Variants in CYP2C8 observed in about 807,000 individuals in gnomAD.
CYP2C8 encodes the protein cytochrome P450 2C8.
A neutral mutation model predicts 41.3 loss-of-function variants in CYP2C8; 51 were observed. The ratio of observed to expected loss-of-function variants is 1.24; its 90% CI spans 0.99 to 1.56. The LOEUF (loss-of-function observed/expected upper bound fraction) is 1.56. Ranked by LOEUF, CYP2C8 falls within the 40% of genes most tolerant of loss-of-function variation. CYP2C8 has a pLI of 0.00. For synonymous variants in CYP2C8, 218 were observed against 205.8 expected, an observed-to-expected ratio of 1.06 and a Z score of -0.51; for missense variants, 651 against 579.9, an observed-to-expected ratio of 1.12 and a Z score of -1.26.
chr10:95,054,457 T>C (rs2033274001), intron 5 of CYP2C8, among the ~76,000 whole-genome samples: 1 of 152,120 alleles, frequency 6.6e-6, no homozygotes, highest in African/African-American at 2.4e-5. Flanking sequence ...TATATCAAAT[T>C]GTGAAAATCT....
Position 95,037,313 on chromosome 10 carries a change from A to G in CYP2C8, c.1292-4T>C. The G allele has an allele frequency of 1.2e-6, 2 of 1,612,666 alleles. No individual in the cohort carries two copies. The highest frequency in any genetic ancestry group is 1.1e-5 in the South Asian group (1 of 90,972). ...TCTCCTGCACAAATTCGTTTTCCTG[A>G]AGATAACAAAGAAAGGAAGTAGTTA... On this transcript the variant is annotated splice_polypyrimidine_tract_variant and splice_region_variant and intron_variant, in intron 8 of 8. Transcript: ENST00000371270.
intron 4 of CYP2C8, among the ~76,000 whole-genome samples, chr10:95,062,741 G>T (rs1341888825): frequency 6.6e-6 from 1 of 152,068 alleles, no homozygotes; most frequent in Non-Finnish European, 1.5e-5. Context: ...AGCCTTGATG[G>T]TCTTTACAAT....
Position 95,067,353 on chromosome 10 carries a change from G to T in CYP2C8, c.336C>A (p.Ile112=), listed in dbSNP as rs756125116. Reference sequence around the variant, plus strand: ...TCCATCTCTTTCCATTGCTGGAAATGATTCCTAATAAAAAAAGGGGCAGAA... The same window carrying T: ...TCCATCTCTTTCCATTGCTGGAAATTATTCCTAATAAAAAAAGGGGCAGAA... The part of the protein sequence containing the change: ...ISQRITKGLG[I]ISSNGKRWKE... The change falls in exon 3 of 9, where the codon ATC becomes ATA. Residue 112 remains isoleucine (I), a synonymous_variant. Transcript: ENST00000371270. 1.9e-6 allele frequency: 3 copies of T among 1,601,892 alleles called. No individual in the cohort carries two copies. The highest frequency in any genetic ancestry group is 1.7e-4 in the Middle Eastern group (1 of 6,030).
At chr10:95,046,905 A>C (rs2033120083) in intron 5 of CYP2C8, among the ~76,000 whole-genome samples, 2 of 152,162 alleles carry the variant, frequency 1.3e-5, no homozygotes, top group Non-Finnish European at 2.9e-5. Context: ...ATAAATATTT[A>C]TCTCTCCCAA....
chr10:95,053,539 A>C (rs2033250682), intron 5 of CYP2C8, among the ~76,000 whole-genome samples: 2 of 152,166 alleles, frequency 1.3e-5, no homozygotes, highest in African/African-American at 2.4e-5. Context: ...GTGATAGACT[A>C]GATAAAGAAA....
At position 95,068,591 on chromosome 10, in the gene CYP2C8, A is replaced by G. The variant is rs371907206; in HGVS notation, c.168+644T>C. On this transcript the variant is annotated intron_variant, in intron 1 of 8. Transcript: ENST00000371270. ...TTGGATGAAATTTCTAATCACACAC[A>G]CTTCCCTTCACCTTCAGTCAAAAAT... The G allele has an allele frequency of 2.3e-6, 3 of 1,288,702 alleles. No homozygotes were observed. The East Asian group carries it at 1.7e-4, about 71-fold the overall frequency. 79.8% of individuals were successfully genotyped at this position (1,288,702 alleles called of 1,614,324 possible). A position where few individuals can be genotyped will look rare whatever the true frequency, so the allele number is the denominator to read the frequency against.
chr10:95,062,841 C>CA (rs1564741077), intron 4 of CYP2C8, among the ~76,000 whole-genome samples: 1 of 152,138 alleles, frequency 6.6e-6, no homozygotes, highest in African/African-American at 2.4e-5. Context: ...CTGGTAGTGA[C>CA]AAAATCTCTC....
intron 8 of CYP2C8, among the ~76,000 whole-genome samples, chr10:95,038,666 T>C (rs1024168276): frequency 1.3e-5 from 2 of 152,102 alleles, no homozygotes; most frequent in Non-Finnish European, 2.9e-5. Flanking sequence ...CAAACCAAGA[T>C]GTTCATTTTC....
intron 5 of CYP2C8, among the ~76,000 whole-genome samples, chr10:95,056,508 A>G (rs1406909620): frequency 6.6e-6 from 1 of 152,210 alleles, no homozygotes; most frequent in African/African-American, 2.4e-5. Flanking sequence ...ATGATCATCA[A>G]CAGATGAATG....
At chr10:95,046,259 T>C (rs2033107573) in intron 5 of CYP2C8, among the ~76,000 whole-genome samples, 1 of 152,192 alleles carries the variant, frequency 6.6e-6, no homozygotes, top group African/African-American at 2.4e-5. Context: ...ATTTGTGTTA[T>C]AAAACAGAAT....
At chr10:95,059,880 G>A (rs2033388866) in intron 4 of CYP2C8, among the ~76,000 whole-genome samples, 1 of 152,140 alleles carries the variant, frequency 6.6e-6, no homozygotes. Context: ...AGTTTTCCCA[G>A]CAACATTTGT....
At chr10:95,062,778 G>T (rs57753527) in intron 4 of CYP2C8, among the ~76,000 whole-genome samples, 15 of 152,096 alleles carry the variant, frequency 9.9e-5, no homozygotes. Flanking sequence ...GGCTGGTACC[G>T]GTTGTTCCTT....
At position 95,069,389 on chromosome 10, in the gene CYP2C8, A is replaced by T. The variant is rs749659748; in HGVS notation, c.14T>A (p.Val5Glu). The part of the protein sequence containing the change: MEPF[V>E]VLVLCLSFML... ...AAAAGAGAGACACAGCACCAGGACC[A>T]CAAAAGGTTCCATTGAAGCCTTCTC... Residue 5 changes from valine to glutamate, a missense_variant, in exon 1 of 9, where the codon GTG (valine) becomes GAG (glutamate). Val to Glu is a moderately radical substitution (Grantham distance 121, BLOSUM62 -2). Transcript: ENST00000371270. 6.2e-7 allele frequency: 1 copy of T among 1,614,180 alleles called. No individual in the cohort carries two copies. The highest frequency in any genetic ancestry group is 1.1e-5 in the South Asian group (1 of 91,076).
intron 7 of CYP2C8, 94 bp downstream of exon 7, chr10:95,042,796 T>C (rs2033028534): frequency 9.5e-7 from 1 of 1,049,874 alleles, no homozygotes; most frequent in African/African-American, 1.6e-5. Flanking sequence ...AGTTTTGCAC[T>C]TCTCTCATCT....
At chr10:95,041,691 G>T (rs2032999495) in intron 7 of CYP2C8, among the ~76,000 whole-genome samples, 1 of 150,264 alleles carries the variant, frequency 6.7e-6, no homozygotes, top group South Asian at 2.1e-4. Context: ...TGAGGCAGGA[G>T]AATGGCGTGA....
chr10:95,037,804 A>C (rs1224292312), intron 8 of CYP2C8, among the ~76,000 whole-genome samples: 1 of 152,190 alleles, frequency 6.6e-6, no homozygotes, highest in East Asian at 1.9e-4. Context: ...TTCAAGTTTC[A>C]TATCCTGTTG....
chr10:95,055,186 A>G (rs561879838), intron 5 of CYP2C8, among the ~76,000 whole-genome samples: 30 of 152,212 alleles, frequency 2.0e-4, no homozygotes, highest in African/African-American at 7.0e-4. Flanking sequence ...TCAATTTCCA[A>G]ATTTCCAGAC....
chr10:95,041,812 A>T (rs946497579), intron 7 of CYP2C8, among the ~76,000 whole-genome samples: 10 of 136,314 alleles, frequency 7.3e-5, no homozygotes, highest in African/African-American at 2.7e-4. Context: ...AAAAAAAAAA[A>T]AAATCTGTGC....
At chr10:95,042,858 A>G (rs779601447) in intron 7 of CYP2C8, 32 bp downstream of exon 7, 2 of 1,582,238 alleles carry the variant, frequency 1.3e-6, no homozygotes, top group Non-Finnish European at 1.7e-6. Flanking sequence ...TTTCAGAAGT[A>G]CAGAAATATA....
Sources: allele counts gnomAD v4.1 joint callset (sites outside exome capture counted in the v4.1 genomes callset), GRCh38; gene constraint gnomAD v4.1.1; transcripts MANE v1.5; gene names NCBI Gene and HGNC (gene_info 2026-07-23, HGNC 2026-07-21).